VIRMA: variants seen among roughly 807,000 people sequenced by gnomAD.
VIRMA encodes vir like m6A methyltransferase associated.
A neutral mutation model predicts 182.4 loss-of-function variants in VIRMA; 65 were observed. The observed-to-expected ratio is 0.36, with a 90% CI of 0.29 to 0.44. The LOEUF (loss-of-function observed/expected upper bound fraction) is 0.44. VIRMA is among the 20% of genes least tolerant of loss of function. The pLI, the probability that VIRMA is intolerant of heterozygous loss-of-function variation, is 1.00. For synonymous variants in VIRMA, 709 were observed against 743.1 expected, an observed-to-expected ratio of 0.95 and a Z score of 0.75; for missense variants, 1,752 against 2,158.1, an observed-to-expected ratio of 0.81 and a Z score of 3.73.
Position 94,508,128 on chromosome 8 carries a change from T to C in VIRMA, c.3880-1411A>G, listed in dbSNP as rs943116901. On this transcript the variant is annotated intron_variant, in intron 15 of 23. Coordinates refer to ENST00000297591, the MANE Select transcript of VIRMA (RefSeq NM_015496.5). ...TTTTTTGAGACGAAGTCTCCCTCTA[T>C]TGCCCAGGAGTGCAGTGGCGCAATC... Among the ~76,000 whole-genome samples, 7 of 152,186 alleles carry C rather than the reference T, an allele frequency of 4.6e-5. No individual in the cohort carries two copies. In the South Asian group the frequency reaches 6.2e-4, roughly 14 times the overall value.
rs1469995576 is a variant in VIRMA at position 94,529,065 on chromosome 8, C to A, written c.880+5G>T. On this transcript the variant is annotated splice_donor_5th_base_variant and intron_variant, in intron 7 of 23. Transcript: ENST00000297591. ...AACCCCAAAGTCCTAGCTAACATAA[C>A]CCACCTTCACCTTCTTCATCCTCTT... 6 of 1,610,304 alleles carry A rather than the reference C, an allele frequency of 3.7e-6. No homozygotes were observed. The highest frequency in any genetic ancestry group is 3.3e-4 in the Middle Eastern group (2 of 6,074).
chr8:94,492,230 A>C (rs903268716), intron 21 of VIRMA, among the ~76,000 whole-genome samples: 1 of 152,048 alleles, frequency 6.6e-6, no homozygotes, highest in Non-Finnish European at 1.5e-5. Flanking sequence ...AATTCAAACA[A>C]TGTTCATGAT....
chr8:94,526,674 T>C lies in VIRMA; in HGVS notation c.1570A>G (p.Arg524Gly). The C allele has an allele frequency of 6.2e-7, 1 of 1,614,000 alleles. No homozygotes were observed. Among genetic ancestry groups the C allele is most frequent in the Non-Finnish European group, 8.5e-7 (1 of 1,179,990 alleles). Residue 524 changes from arginine (R) to glycine (G), a missense_variant, in exon 8 of 24, where the codon AGG becomes GGG. Physicochemically the swap from Arg to Gly is moderately radical, Grantham distance 125 (BLOSUM62 -2). Around this residue, in one of 11 missense-constraint regions of VIRMA, gnomAD observed 401 missense variants for 455.1 expected, o/e 0.88. Transcript: ENST00000297591. ...TGATAACCACTTTTTTCATTCTGCC[T>C]ACCTCTTAAAAAAGCTTCCATTCCT... ...TEGMEAFLRG[R>G]QNEKSGYQKL...
At chr8:94,490,598 C>CA (rs1813573924) in intron 22 of VIRMA, among the ~76,000 whole-genome samples, 2 of 152,282 alleles carry the variant, frequency 1.3e-5, no homozygotes, top group South Asian at 4.1e-4. Context: ...GTAATCCCTG[C>CA]ACTTTGGGAG....
chr8:94,490,594 C>T (rs1441152877), intron 22 of VIRMA, among the ~76,000 whole-genome samples: 5 of 152,098 alleles, frequency 3.3e-5, no homozygotes, highest in Non-Finnish European at 7.3e-5. Context: ...GCCTGTAATC[C>T]CTGCACTTTG....
At chr8:94,501,352 C>A (rs989510871) in intron 16 of VIRMA, among the ~76,000 whole-genome samples, 11 of 149,622 alleles carry the variant, frequency 7.4e-5, no homozygotes. Context: ...TACAAATGAA[C>A]CATATAACCA....
chr8:94,513,000 T>C (rs1008797273), intron 11 of VIRMA, among the ~76,000 whole-genome samples: 4 of 152,228 alleles, frequency 2.6e-5, no homozygotes, highest in East Asian at 1.9e-4. Context: ...CAAATAGTTA[T>C]GTTTCAGTTT....
At chr8:94,495,100 A>C (rs4366055) in intron 19 of VIRMA, 144 bp from the exon 20 acceptor site, 192,487 of 657,684 alleles carry the variant, frequency 0.29, 30,517 homozygotes, top group East Asian at 0.49. Context: ...TCCTGGGCTC[A>C]AGTGATCCTC....
intron 17 of VIRMA, 142 bp from the exon 18 acceptor site, chr8:94,496,622 T>TAAG (rs148973726): frequency 0.039 from 22,633 of 577,924 alleles, 561 homozygotes; most frequent in Non-Finnish European, 0.046. Flanking sequence ...TGGCTAGTTT[T>TAAG]AAGGATTTAG....
Position 94,509,753 on chromosome 8 carries a change from C to T in VIRMA, c.3814G>A (p.Asp1272Asn), listed in dbSNP as rs775904242. The change falls in exon 15 of 24, where the codon GAC (aspartate) becomes AAC (asparagine). Residue 1272 changes from aspartate (D) to asparagine (N), a missense_variant. Physicochemically the swap from Asp to Asn is conservative, Grantham distance 23. This residue lies in a region of VIRMA where 777 missense variants were observed against 920.6 expected (regional missense o/e 0.84). Coordinates refer to ENST00000297591, the MANE Select transcript of VIRMA (RefSeq NM_015496.5). ...DLLALVRSPG[D>N]SVIRQQCVEY... ...ACACACTGTTGGCGAATAACACTGT[C>T]TCCAGGAGACCGCACCAAAGCTAAA... is the stretch of plus-strand genomic sequence containing the variant. The T allele has an allele frequency of 1.9e-6, 3 of 1,613,906 alleles. No individual in the cohort carries two copies. In the Admixed American group the frequency reaches 5.0e-5, roughly 27 times the overall value.
intron 14 of VIRMA, 35 bp downstream of exon 14, chr8:94,510,382 T>C: frequency 6.4e-7 from 1 of 1,551,526 alleles, no homozygotes; most frequent in Non-Finnish European, 8.8e-7. Context: ...CAAAAATAAT[T>C]TGAGGAAAAA....
intron 4 of VIRMA, among the ~76,000 whole-genome samples, chr8:94,535,724 G>A (rs895916926): frequency 5.3e-5 from 8 of 151,464 alleles, no homozygotes; most frequent in Non-Finnish European, 1.0e-4. Flanking sequence ...AGGCTGCAGT[G>A]AGCCAAGATT....
intron 1 of VIRMA, among the ~76,000 whole-genome samples, chr8:94,544,707 A>G (rs1410873956): frequency 6.6e-6 from 1 of 151,282 alleles, no homozygotes; most frequent in Non-Finnish European, 1.5e-5. Flanking sequence ...AACAAGCACC[A>G]TATCAGTTCA....
intron 5 of VIRMA, chr8:94,534,242 T>A (rs1477408369): frequency 6.6e-6 from 1 of 152,038 alleles, no homozygotes; most frequent in African/African-American, 2.4e-5. Context: ...GAAAAAAAAA[T>A]GTCATTTATA....
chr8:94,490,341 G>A (rs1242360060), intron 22 of VIRMA, among the ~76,000 whole-genome samples: 1 of 152,086 alleles, frequency 6.6e-6, no homozygotes, highest in East Asian at 1.9e-4. Context: ...TCTGCAAATT[G>A]GGAGTACTAA....
At chr8:94,495,978 G>T in intron 18 of VIRMA, 87 bp from the exon 19 acceptor site, 1 of 1,165,270 alleles carries the variant, frequency 8.6e-7, no homozygotes, top group Non-Finnish European at 1.2e-6. Context: ...AAGGCTATAT[G>T]TATTATTACT....
chr8:94,537,157 AAG>A lies in VIRMA; in HGVS notation c.267-8_267-7del. The A allele has an allele frequency of 6.4e-7, 1 of 1,573,724 alleles. No individual in the cohort carries two copies. Among genetic ancestry groups the A allele is most frequent in the South Asian group, 1.1e-5 (1 of 90,272 alleles). On this transcript the variant is annotated splice_region_variant and splice_polypyrimidine_tract_variant and intron_variant, in intron 3 of 23. Transcript: ENST00000297591. ...TATTCTCATCATATTCCAGGCTGTC[AAG>A]AGAGTAGAAATAAATATGTAAGCTC... is the stretch of plus-strand genomic sequence containing the variant.
At chr8:94,547,353 A>C (rs1191973052) in intron 1 of VIRMA, among the ~76,000 whole-genome samples, 2 of 151,218 alleles carry the variant, frequency 1.3e-5, no homozygotes, top group Non-Finnish European at 2.9e-5. Flanking sequence ...AATATGAAGA[A>C]GACTGGTCAG....
chr8:94,546,820 T>C (rs1398111608), intron 1 of VIRMA: 9 of 418,414 alleles, frequency 2.2e-5, no homozygotes, highest in Admixed American at 5.4e-5. Context: ...TACTGAAGTA[T>C]GGTCTTTCTA....
Sources: allele counts gnomAD v4.1 joint callset (sites outside exome capture counted in the v4.1 genomes callset), GRCh38; gene constraint gnomAD v4.1.1; regional missense constraint gnomAD v4.1.1; transcripts MANE v1.5; gene names NCBI Gene and HGNC (gene_info 2026-07-23, HGNC 2026-07-21).